C1orf21: variants seen among roughly 807,000 people sequenced by gnomAD.
C1orf21 encodes the protein chromosome 1 open reading frame 21.
Under a neutral mutation model 18.7 loss-of-function variants are expected in C1orf21, and 3 were observed. The observed-to-expected ratio is 0.16, with a 90% confidence interval of 0.07 to 0.42. C1orf21 has a LOEUF of 0.42. Among genes scored for constraint, C1orf21 ranks in the 10% least tolerant of loss-of-function variants. The pLI, the probability that C1orf21 is intolerant of heterozygous loss-of-function variation, is 0.99. For missense variants in C1orf21, 104 were observed against 143.6 expected, an observed-to-expected ratio of 0.72 and a Z score of 1.41; for synonymous variants, 41 against 46.4, an observed-to-expected ratio of 0.88 and a Z score of 0.47.
At chr1:184,614,884 C>T (rs1447076399) in intron 5 of C1orf21, among the ~76,000 whole-genome samples, 1 of 152,162 alleles carries the variant, frequency 6.6e-6, no homozygotes, top group Non-Finnish European at 1.5e-5. Flanking sequence ...TTCACTCACT[C>T]GCCTGTCGCT....
At chr1:184,576,153 C>T (rs1659186800) in intron 3 of C1orf21, among the ~76,000 whole-genome samples, 1 of 150,046 alleles carries the variant, frequency 6.7e-6, no homozygotes, top group Non-Finnish European at 1.5e-5. Flanking sequence ...GGCATAGAGT[C>T]TCACTCTGTC....
intron 1 of C1orf21, among the ~76,000 whole-genome samples, chr1:184,401,166 A>AT (rs980163353): frequency 1.3e-5 from 2 of 151,506 alleles, no homozygotes; most frequent in African/African-American, 2.4e-5. Context: ...GTTTCTTCAT[A>AT]TTTTTTTGCC....
intron 3 of C1orf21, among the ~76,000 whole-genome samples, chr1:184,535,497 A>G (rs1658537747): frequency 6.6e-6 from 1 of 152,256 alleles, no homozygotes; most frequent in Non-Finnish European, 1.5e-5. Flanking sequence ...AATCCTTTAG[A>G]GCATCAGCTA....
intron 4 of C1orf21, among the ~76,000 whole-genome samples, chr1:184,596,910 A>G (rs1459136160): frequency 1.3e-5 from 2 of 151,992 alleles, no homozygotes; most frequent in Non-Finnish European, 2.9e-5. Context: ...AAGAAAAGAA[A>G]GAAGTGTTTA....
At chr1:184,594,978 C>T in intron 4 of C1orf21, among the ~76,000 whole-genome samples, 1 of 152,112 alleles carries the variant, frequency 6.6e-6, no homozygotes, top group East Asian at 1.9e-4. Flanking sequence ...ATTAAGATGC[C>T]ATTGTATTGT....
chr1:184,471,186 C>T (rs764120682), intron 1 of C1orf21, among the ~76,000 whole-genome samples: 1 of 152,160 alleles, frequency 6.6e-6, no homozygotes, highest in Non-Finnish European at 1.5e-5. Flanking sequence ...TTCTAACCAG[C>T]TCCCTATAAG....
intron 5 of C1orf21, among the ~76,000 whole-genome samples, chr1:184,600,379 C>G (rs944952769): frequency 2.0e-5 from 3 of 152,260 alleles, no homozygotes; most frequent in East Asian, 3.9e-4. Flanking sequence ...GTCAGCCAGG[C>G]TGGTCTCGAA....
chr1:184,603,429 A>G (rs1278052723), intron 5 of C1orf21, among the ~76,000 whole-genome samples: 1 of 152,252 alleles, frequency 6.6e-6, no homozygotes, highest in Non-Finnish European at 1.5e-5. Flanking sequence ...GTTGATTGAC[A>G]TTATTCAATG....
At chr1:184,562,712 T>C (rs1440450350) in intron 3 of C1orf21, among the ~76,000 whole-genome samples, 1 of 152,246 alleles carries the variant, frequency 6.6e-6, no homozygotes, top group Admixed American at 6.5e-5. Context: ...TGCAAACTTG[T>C]AACTGCTGGA....
chr1:184,566,936 A>G (rs1328026968), intron 3 of C1orf21: 2 of 523,810 alleles, frequency 3.8e-6, no homozygotes, highest in African/African-American at 1.9e-5. Context: ...TCCTGTCATC[A>G]GCAGCTACAG....
chr1:184,484,080 C>T (rs746040157), intron 2 of C1orf21, among the ~76,000 whole-genome samples: 5 of 151,998 alleles, frequency 3.3e-5, no homozygotes, highest in Admixed American at 6.6e-5. Context: ...CCCACCACCG[C>T]GCCCGGCTAA....
At chr1:184,619,298 T>C (rs1019284619) in intron 5 of C1orf21, among the ~76,000 whole-genome samples, 1 of 152,216 alleles carries the variant, frequency 6.6e-6, no homozygotes, top group African/African-American at 2.4e-5. Flanking sequence ...TAAGGGCTTA[T>C]TTGGGGCTTG....
At chr1:184,591,722 C>T (rs748055851) in intron 4 of C1orf21, among the ~76,000 whole-genome samples, 11 of 151,552 alleles carry the variant, frequency 7.3e-5, no homozygotes, top group Non-Finnish European at 1.5e-4. Flanking sequence ...AGGAGAGTGG[C>T]GTGAACCCTG....
At chr1:184,619,304 G>A (rs1659879151) in intron 5 of C1orf21, among the ~76,000 whole-genome samples, 1 of 152,152 alleles carries the variant, frequency 6.6e-6, no homozygotes, top group African/African-American at 2.4e-5. Flanking sequence ...CTTATTTGGG[G>A]CTTGGTAAAA....
At chr1:184,429,964 T>C (rs906125152) in intron 1 of C1orf21, among the ~76,000 whole-genome samples, 7 of 151,642 alleles carry the variant, frequency 4.6e-5, no homozygotes, top group Non-Finnish European at 7.4e-5. Flanking sequence ...AAAACAAAAT[T>C]AGCCGGGTGA....
chr1:184,544,275 G>A (rs1400563530), intron 3 of C1orf21, among the ~76,000 whole-genome samples: 1 of 152,158 alleles, frequency 6.6e-6, no homozygotes. Context: ...GAAAGGCAGT[G>A]GTTTAGAAGT....
intron 3 of C1orf21, among the ~76,000 whole-genome samples, chr1:184,543,239 A>G (rs569596274): frequency 6.6e-6 from 1 of 151,890 alleles, no homozygotes; most frequent in Admixed American, 6.6e-5. Flanking sequence ...GGTCCCACCT[A>G]CTCTGGAGGC....
At position 184,460,734 on chromosome 1, in the gene C1orf21, A is replaced by T. The variant is rs116761174; in HGVS notation, c.-124-16652A>T. On this transcript the variant is annotated intron_variant, in intron 1 of 5. Coordinates refer to ENST00000235307, the MANE Select transcript of C1orf21 (RefSeq NM_030806.4). ...CTTCCTTTTTTTTTTTTTTTAAGAA[A>T]TGGGGTCTCATTATGTTGCCCAGGC... 7.6e-3 allele frequency among the ~76,000 whole-genome samples: 887 copies of T among 116,410 alleles called. 12 individuals carry two copies. Among genetic ancestry groups the T allele is most frequent in the African/African-American group, 0.027 (851 of 30,984 alleles). The allele number at this position is 116,410 out of a possible 152,430, so 76.4% of individuals were successfully genotyped here. A position where few individuals can be genotyped will look rare whatever the true frequency, so the allele number is the denominator to read the frequency against.
At chr1:184,537,449 C>T (rs574348171) in intron 3 of C1orf21, among the ~76,000 whole-genome samples, 99 of 152,218 alleles carry the variant, frequency 6.5e-4, no homozygotes, top group African/African-American at 2.3e-3. Flanking sequence ...CCATCCGTGT[C>T]GTATCCTGTA....
Sources: gnomAD v4.1 joint callset for allele counts (sites outside exome capture counted in the v4.1 genomes callset) on GRCh38, gnomAD v4.1.1 for gene constraint, MANE v1.5 for transcripts, NCBI Gene and HGNC (gene_info 2026-07-23, HGNC 2026-07-21) for gene names.